PRDM1: variants seen among roughly 807,000 people sequenced by gnomAD.
PRDM1 encodes PR domain zinc finger protein 1.
Under a neutral mutation model 62.8 loss-of-function variants are expected in PRDM1, and 13 were observed. The observed-to-expected ratio is 0.21, with a 90% CI of 0.13 to 0.33. The LOEUF is 0.33. Ranked by LOEUF, PRDM1 falls within the 10% of genes least tolerant of loss-of-function variation. The probability of loss-of-function intolerance (pLI) is 1.00; values close to 1 mark genes in which losing one functional copy is unlikely to be tolerated. For synonymous variants in PRDM1, 396 were observed against 417.6 expected (o/e 0.95, Z 0.63); for missense variants, 895 against 1,058.8 (o/e 0.85, Z 2.15).
At chr6:106,043,449 A>G (rs1242901860) in intron 1 of PRDM1, among the ~76,000 whole-genome samples, 1 of 152,236 alleles carries the variant, frequency 6.6e-6, no homozygotes, top group Non-Finnish European at 1.5e-5. Context: ...ATGAATGAAT[A>G]AGAGCTATCA....
At chr6:106,022,016 A>T (rs6937414) in intron 1 of PRDM1, among the ~76,000 whole-genome samples, 1 of 152,180 alleles carries the variant, frequency 6.6e-6, no homozygotes, top group Non-Finnish European at 1.5e-5. Context: ...CATGTTTTCT[A>T]ATCTCTGAAA....
At chr6:106,082,872 C>T (rs1376837325), upstream of PRDM1, among the ~76,000 whole-genome samples, 4 of 152,078 alleles carry the variant, frequency 2.6e-5, no homozygotes, top group Admixed American at 6.5e-5. Context: ...AACTCATCAT[C>T]GAAACATATC....
At chr6:106,087,944 T>A (rs1773851723) in intron 1 of PRDM1, 1 of 278,872 alleles carries the variant, frequency 3.6e-6, no homozygotes, top group Admixed American at 5.0e-5. Context: ...ATTCTTTTTT[T>A]TTTTTTCCTT....
chr6:106,033,359 C>T (rs1335725533), intron 1 of PRDM1, among the ~76,000 whole-genome samples: 2 of 150,468 alleles, frequency 1.3e-5, no homozygotes. Flanking sequence ...CTCTATATTG[C>T]CCAGGCTTGT....
upstream of PRDM1, among the ~76,000 whole-genome samples, chr6:106,085,590 C>T (rs1253775544): frequency 2.0e-5 from 3 of 152,128 alleles, no homozygotes; most frequent in African/African-American, 7.2e-5. Context: ...AGAATAAGCC[C>T]CACTAATTAC....
intron 1 of PRDM1, among the ~76,000 whole-genome samples, chr6:106,026,921 C>G (rs1033926719): frequency 6.6e-6 from 1 of 152,164 alleles, no homozygotes; most frequent in African/African-American, 2.4e-5. Flanking sequence ...CAGTAAGTTT[C>G]AGCAAATGGG....
rs150283789 is a variant in PRDM1 at position 106,026,471 on chromosome 6, C to T, written c.-67+32832C>T. 1.8e-3 allele frequency among the ~76,000 whole-genome samples: 275 copies of T among 151,908 alleles called. 2 individuals carry two copies. Among genetic ancestry groups the T allele is most frequent in the African/African-American group, 6.4e-3 (267 of 41,456 alleles). ...TCCAGCCTAAGCAACAAGAGTGAAA[C>T]TCCATCTCAAAAATAATAATAAATA... is the stretch of plus-strand genomic sequence containing the variant. On this transcript the variant is annotated intron_variant, in intron 1 of 6. Transcript: ENST00000652320.
At position 106,008,478 on chromosome 6, in the gene PRDM1, G is replaced by C. The variant is rs926596924; in HGVS notation, c.-67+14839G>C. 7.6e-5 allele frequency among the ~76,000 whole-genome samples: 5 copies of C among 66,138 alleles called. No individual in the cohort carries two copies. The South Asian group carries it at 4.2e-3, about 55-fold the overall frequency. The allele number at this position is 66,138 out of a possible 152,430, so 43.4% of individuals were successfully genotyped here. ...CTCCTTAAAGCCTTTCAGTACCTGG[G>C]CACCAGATCCCCACCCTTTCACACT... On this transcript the variant is annotated intron_variant, in intron 1 of 6. Transcript: ENST00000652320.
chr6:106,088,148 G>A (rs1253216072), intron 1 of PRDM1, 53 bp from the exon 2 acceptor site: 2 of 1,540,624 alleles, frequency 1.3e-6, no homozygotes, highest in Non-Finnish European at 1.8e-6. Flanking sequence ...CTCAGAAGGA[G>A]CCACAGGAAC....
intron 1 of PRDM1, among the ~76,000 whole-genome samples, chr6:106,005,713 T>C (rs1358577314): frequency 6.6e-6 from 1 of 152,312 alleles, no homozygotes; most frequent in East Asian, 1.9e-4. Flanking sequence ...CCTGCCCTGT[T>C]TTTTGACAAG....
chr6:105,995,265 G>A (rs1445133892), intron 1 of PRDM1, among the ~76,000 whole-genome samples: 4 of 152,188 alleles, frequency 2.6e-5, no homozygotes, highest in Admixed American at 6.5e-5. Flanking sequence ...TTCATAACTA[G>A]GCTGGGCATG....
intron 1 of PRDM1, among the ~76,000 whole-genome samples, chr6:106,036,246 T>C (rs1772924206): frequency 6.6e-6 from 1 of 152,124 alleles, no homozygotes; most frequent in South Asian, 2.1e-4. Context: ...CGTCCTAAGT[T>C]CAAGTGATTC....
intron 3 of PRDM1, chr6:106,095,981 G>A (rs574473488): frequency 2.5e-6 from 1 of 394,776 alleles, no homozygotes; most frequent in Admixed American, 3.8e-5. Flanking sequence ...ATTCATTAGA[G>A]CTTTGTAATG....
chr6:105,996,722 A>C (rs1166903814), intron 1 of PRDM1, among the ~76,000 whole-genome samples: 2 of 152,218 alleles, frequency 1.3e-5, no homozygotes, highest in Non-Finnish European at 2.9e-5. Context: ...AAGTGCCAAG[A>C]GAGAACATTA....
chr6:106,067,328 T>C (rs1053844181), intron 1 of PRDM1, among the ~76,000 whole-genome samples: 3 of 152,208 alleles, frequency 2.0e-5, no homozygotes, highest in African/African-American at 4.8e-5. Context: ...GTAATATCTA[T>C]GTTTAAATGT....
In PRDM1 at chr6:106,106,553, G is replaced by A. The variant is rs2114660689; in HGVS notation, c.1902+54G>A. On this transcript the variant is annotated intron_variant, in intron 6 of 6. Transcript: ENST00000369096. This position sits in a 1 kb window ranked among gnomAD's most constrained non-coding sequence, Gnocchi z 4.4. ...TGACCTTTGTAGAAAATGTCTGTGA[G>A]TCACCCTCCCATGTCCTATATAGCC... is the stretch of plus-strand genomic sequence containing the variant. 1.2e-6 allele frequency: 2 copies of A among 1,607,766 alleles called. No homozygotes were observed. The highest frequency in any genetic ancestry group is 1.7e-6 in the Non-Finnish European group (2 of 1,177,282).
At chr6:106,079,887 A>G (rs1773665576) in intron 1 of PRDM1, among the ~76,000 whole-genome samples, 1 of 152,266 alleles carries the variant, frequency 6.6e-6, no homozygotes, top group African/African-American at 2.4e-5. Flanking sequence ...AGGACAGGTT[A>G]TTAACCACTC....
chr6:106,020,594 A>G (rs1158739638), intron 1 of PRDM1, among the ~76,000 whole-genome samples: 2 of 152,202 alleles, frequency 1.3e-5, no homozygotes, highest in Non-Finnish European at 2.9e-5. Flanking sequence ...TATATAGACC[A>G]ACCTGGATCC....
At chr6:106,082,059 C>G (rs1319853422), upstream of PRDM1, among the ~76,000 whole-genome samples, 1 of 152,218 alleles carries the variant, frequency 6.6e-6, no homozygotes, top group African/African-American at 2.4e-5. Context: ...CACAGTCTTG[C>G]TCTCTCATTT....
Sources: allele counts gnomAD v4.1 joint callset (sites outside exome capture counted in the v4.1 genomes callset), GRCh38; gene constraint gnomAD v4.1.1; non-coding constraint Gnocchi (gnomAD v3.1); transcripts MANE v1.5; gene names NCBI Gene and HGNC (gene_info 2026-07-23, HGNC 2026-07-21).